NEMF: variants seen among roughly 807,000 people sequenced by gnomAD.
NEMF encodes the protein ribosome quality control complex subunit NEMF.
Under a neutral mutation model 162.2 loss-of-function variants are expected in NEMF, and 89 were observed. That is an observed-to-expected ratio of 0.55 (90% CI 0.46 to 0.65). The LOEUF (loss-of-function observed/expected upper bound fraction) is 0.65, where lower values mean the gene tolerates loss of function less well. NEMF is among the 30% of genes least tolerant of loss of function. The probability of loss-of-function intolerance (pLI) is 0.00; values close to 1 mark genes in which losing one functional copy is unlikely to be tolerated. For missense variants in NEMF, 1,133 were observed against 1,261.9 expected, an observed-to-expected ratio of 0.90 and a Z score of 1.55; for synonymous variants, 421 against 404.5, an observed-to-expected ratio of 1.04 and a Z score of -0.49.
intron 3 of NEMF, 89 bp from the exon 4 acceptor site, chr14:49,846,354 T>C: frequency 3.4e-6 from 4 of 1,190,224 alleles, no homozygotes; most frequent in Non-Finnish European, 4.9e-6. Flanking sequence ...CTTTTCATTA[T>C]CATCAGGAAT....
intron 18 of NEMF, among the ~76,000 whole-genome samples, chr14:49,809,207 C>A (rs141353398): frequency 5.4e-4 from 82 of 152,318 alleles, no homozygotes; most frequent in African/African-American, 1.9e-3. Context: ...AAACTTATAT[C>A]TGTACAAAAA....
intron 11 of NEMF, among the ~76,000 whole-genome samples, chr14:49,830,903 A>C (rs1397910861): frequency 6.6e-6 from 1 of 152,218 alleles, no homozygotes; most frequent in Admixed American, 6.5e-5. Context: ...AAGTCCATTT[A>C]AAAAAGAAAC....
At chr14:49,785,690 C>T (rs559576779) in intron 29 of NEMF, 559 of 206,346 alleles carry the variant, frequency 2.7e-3, no homozygotes, top group Non-Finnish European at 4.0e-3. Context: ...GAGTTCAAGA[C>T]CAGCCTAAGC....
In NEMF at chr14:49,833,505, G is replaced by C. The variant is rs143209585; in HGVS notation, c.662-9C>G. ...AAGTACTTTTTCAATATCTAATGGT[G>C]GGGGAAAAAAAGGAAAAAAGGAGTG... On this transcript the variant is annotated splice_polypyrimidine_tract_variant and intron_variant, in intron 7 of 32. Transcript: ENST00000298310. 136 of 1,547,948 alleles carry C rather than the reference G, an allele frequency of 8.8e-5. No individual in the cohort carries two copies. Among genetic ancestry groups the C allele is most frequent in the Admixed American group, 1.5e-4 (8 of 54,292 alleles).
intron 6 of NEMF, 37 bp from the exon 7 acceptor site, chr14:49,834,486 T>A: frequency 2.9e-6 from 4 of 1,383,830 alleles, no homozygotes; most frequent in Non-Finnish European, 4.1e-6. Context: ...AGTATTTTCC[T>A]ATAAATTCTT....
At chr14:49,844,721 GCACGCGCA>G (rs1392448310) in intron 4 of NEMF, 1 of 84,020 alleles carries the variant, frequency 1.2e-5, no homozygotes, top group African/African-American at 4.8e-5. Flanking sequence ...ACATACACAC[GCACGCGCA>G]CGCGCGCGCA....
At chr14:49,818,862 G>A (rs1891851980) in intron 16 of NEMF, among the ~76,000 whole-genome samples, 1 of 152,078 alleles carries the variant, frequency 6.6e-6, no homozygotes, top group African/African-American at 2.4e-5. Context: ...CTAGCTCAAG[G>A]GGAAAAGGGC....
chr14:49,823,407 G>A (rs1157834677), intron 16 of NEMF, among the ~76,000 whole-genome samples: 35 of 145,454 alleles, frequency 2.4e-4, no homozygotes, highest in African/African-American at 7.6e-4. Context: ...TATATTCCAA[G>A]AACCAAAAAA....
At chr14:49,817,212 G>A (rs561698761) in intron 16 of NEMF, among the ~76,000 whole-genome samples, 10 of 152,310 alleles carry the variant, frequency 6.6e-5, no homozygotes, top group Non-Finnish European at 1.5e-4. Context: ...GGAGGCCAAC[G>A]CAGGCATATC....
In NEMF at chr14:49,782,572, G is replaced by C. The variant is rs1263241038; in HGVS notation, c.*2064C>G. Reference sequence around the variant, plus strand: ...CAGTAATGAAATACTAATATTTTCAGTTCAACCAAAATCTCTTGTACGGTA... The same window carrying C: ...CAGTAATGAAATACTAATATTTTCACTTCAACCAAAATCTCTTGTACGGTA... On this transcript the variant is annotated 3_prime_UTR_variant, in exon 33 of 33. Transcript: ENST00000298310. 2 of 1,606,634 alleles carry C rather than the reference G, an allele frequency of 1.2e-6. No homozygotes were observed. The highest frequency in any genetic ancestry group is 1.7e-6 in the Non-Finnish European group (2 of 1,175,528).
chr14:49,787,434 C>G (rs1012044022), intron 28 of NEMF, among the ~76,000 whole-genome samples: 13 of 152,186 alleles, frequency 8.5e-5, no homozygotes, highest in African/African-American at 3.1e-4. Flanking sequence ...ACCTGTAATC[C>G]CAGCACTTTG....
rs1392272393 is a variant in NEMF, at chr14:49,835,744, T to C, written c.575-1295A>G. 3.3e-5 allele frequency among the ~76,000 whole-genome samples: 5 copies of C among 152,346 alleles called. No homozygotes were observed. The East Asian group carries it at 7.7e-4, about 23-fold the overall frequency. ...TCCTTATTCACAGATGACATGATCC[T>C]GTACCTTAAAAAATCCTAAGGAACC... On this transcript the variant is annotated intron_variant, in intron 6 of 32. Transcript: ENST00000298310.
intron 16 of NEMF, chr14:49,820,447 G>C (rs905426140): frequency 2.2e-6 from 1 of 456,482 alleles, no homozygotes; most frequent in Non-Finnish European, 4.4e-6. Flanking sequence ...TACCCTCTCC[G>C]TTTCAGATTC....
intron 18 of NEMF, among the ~76,000 whole-genome samples, chr14:49,809,037 C>T (rs888241009): frequency 3.3e-5 from 5 of 152,128 alleles, no homozygotes; most frequent in African/African-American, 1.2e-4. Flanking sequence ...ACACTAAATT[C>T]TGGTGGCAGT....
chr14:49,796,324 G>A (rs971679426), intron 25 of NEMF: 2 of 459,310 alleles, frequency 4.4e-6, no homozygotes, highest in Non-Finnish European at 8.7e-6. Context: ...TGACCGGTTG[G>A]TTGACTAAAT....
chr14:49,852,601 A>C (rs886714183), intron 1 of NEMF, 94 bp downstream of exon 1: 3 of 1,373,212 alleles, frequency 2.2e-6, no homozygotes, highest in African/African-American at 2.9e-5. Flanking sequence ...CTAGGAAATA[A>C]GGAAACATAT....
intron 16 of NEMF, among the ~76,000 whole-genome samples, chr14:49,815,427 C>T (rs1891669992): frequency 6.6e-6 from 1 of 152,072 alleles, no homozygotes; most frequent in South Asian, 2.1e-4. Context: ...ATCTGTATGA[C>T]ATTTAGAAAA....
chr14:49,836,726 T>C (rs965199188), intron 6 of NEMF, among the ~76,000 whole-genome samples: 2 of 151,980 alleles, frequency 1.3e-5, no homozygotes, highest in African/African-American at 4.8e-5. Flanking sequence ...GACATGTAAG[T>C]TGAGTATCCC....
rs760903394 is a variant in NEMF, at chr14:49,800,661, C to G, written c.2131G>C (p.Glu711Gln). 3.1e-6 allele frequency: 5 copies of G among 1,613,920 alleles called. No individual in the cohort carries two copies. The South Asian group carries it at 5.5e-5, about 18-fold the overall frequency. ...TCTACTTCCACAGGAGTTTCATGTT[C>G]TTCTTTATCCTCATCACTGCTCGTG... ...GDTSSDEDKE[E>Q]HETPVEVELM... Residue 711 changes from glutamate (E) to glutamine (Q), a missense_variant, in exon 23 of 33, where the codon GAA becomes CAA. Physicochemically the swap from Glu to Gln is conservative, Grantham distance 29. This residue lies in a region of NEMF where 532 missense variants were observed against 578.6 expected (regional missense o/e 0.92). Transcript: ENST00000298310.
Sources: allele counts gnomAD v4.1 joint callset (sites outside exome capture counted in the v4.1 genomes callset), GRCh38; gene constraint gnomAD v4.1.1; regional missense constraint gnomAD v4.1.1; transcripts MANE v1.5; gene names NCBI Gene and HGNC (gene_info 2026-07-23, HGNC 2026-07-21).